The following LITAF variants were observed in gnomAD, a reference collection of about 807,000 sequenced individuals.
LITAF encodes lipopolysaccharide-induced tumor necrosis factor-alpha factor.
Under a neutral mutation model 14.5 loss-of-function variants are expected in LITAF, and 9 were observed. The observed-to-expected ratio is 0.62, with a 90% CI of 0.37 to 1.08. LITAF has a LOEUF of 1.08. LITAF is among the 50% of genes least tolerant of loss of function. LITAF has a pLI of 0.01. For synonymous variants in LITAF, 98 were observed against 88.2 expected (o/e 1.11, Z -0.62); for missense variants, 206 against 213.4 (o/e 0.97, Z 0.22).
chr16:11,574,010 G>T (rs66719965), intron 1 of LITAF, among the ~76,000 whole-genome samples: 76,599 of 120,568 alleles, frequency 0.64, 20,804 homozygotes, highest in African/African-American at 0.75. Context: ...CGTTTTTTTG[G>T]TTTTTTTTTT....
chr16:11,588,477 A>G (rs1333822731), upstream of LITAF, among the ~76,000 whole-genome samples: 1 of 151,870 alleles, frequency 6.6e-6, no homozygotes, highest in African/African-American at 2.4e-5. Flanking sequence ...CACTGTAGCA[A>G]GCAAGCAACA....
chr16:11,613,691 T>C (rs1021473901), intron 3 of LITAF, among the ~76,000 whole-genome samples: 2 of 152,104 alleles, frequency 1.3e-5, no homozygotes, highest in Non-Finnish European at 2.9e-5. Context: ...AGGAAAGGTG[T>C]CCTTACAGGG....
At chr16:11,583,599 A>C (rs2064770208) in intron 1 of LITAF, among the ~76,000 whole-genome samples, 1 of 152,314 alleles carries the variant, frequency 6.6e-6, no homozygotes, top group Middle Eastern at 3.4e-3. Flanking sequence ...TTTCTTCTTT[A>C]TCTTCCACAC....
chr16:11,564,916 G>A (rs2064427271), intron 1 of LITAF, among the ~76,000 whole-genome samples: 1 of 151,970 alleles, frequency 6.6e-6, no homozygotes, highest in African/African-American at 2.4e-5. Flanking sequence ...ATGGGTATGG[G>A]GTTCTTTTGG....
chr16:11,580,348 C>T (rs2064713128), intron 1 of LITAF, among the ~76,000 whole-genome samples: 1 of 151,956 alleles, frequency 6.6e-6, no homozygotes, highest in South Asian at 2.1e-4. Context: ...ACCTCTGCCT[C>T]CCAGGTTCAA....
At chr16:11,601,035 C>T (rs1209964651), upstream of LITAF, among the ~76,000 whole-genome samples, 1 of 152,030 alleles carries the variant, frequency 6.6e-6, no homozygotes. Flanking sequence ...AAAAATCCCG[C>T]ATCACCGGCA....
upstream of LITAF, chr16:11,598,630 G>A (rs2064908082): frequency 6.6e-6 from 1 of 152,102 alleles, no homozygotes; most frequent in Admixed American, 6.6e-5. Context: ...TTTAGGAAAT[G>A]GTGAAAGCGG....
chr16:11,556,533 C>T lies in LITAF; in HGVS notation c.198G>A (p.Ala66=), dbSNP rs146888937. ...MNPPSYYTQP[A]PIPNNNPITV... ...TACTTGGATTGTTATTGGGGATGGGCGCTGGCTGGGTATAATACGAAGGAG... is the reference window on the plus strand; with the variant it reads ...TACTTGGATTGTTATTGGGGATGGGTGCTGGCTGGGTATAATACGAAGGAG... Residue 66 remains alanine (A), a synonymous_variant, in exon 2 of 4, where the codon GCG becomes GCA. Transcript: ENST00000622633. 17 of 1,614,026 alleles carry T rather than the reference C, an allele frequency of 1.1e-5. No individual in the cohort carries two copies. The highest frequency in any genetic ancestry group is 6.7e-5 in the East Asian group (3 of 44,892).
At chr16:11,629,178 AGAT>A (rs1456967526) in intron 3 of LITAF, 1 of 152,334 alleles carries the variant, frequency 6.6e-6, no homozygotes, top group African/African-American at 2.4e-5. Context: ...AACAGGCATC[AGAT>A]GAGGAAGGCT....
At chr16:11,573,186 T>C (rs917428412) in intron 1 of LITAF, among the ~76,000 whole-genome samples, 1 of 152,058 alleles carries the variant, frequency 6.6e-6, no homozygotes, top group Non-Finnish European at 1.5e-5. Context: ...TGCCTCGGCC[T>C]CCCAAAGGCC....
chr16:11,587,070 G>C (rs573198502), upstream of LITAF: 1 of 169,142 alleles, frequency 5.9e-6, no homozygotes, highest in African/African-American at 2.4e-5. Flanking sequence ...GACCACCGCC[G>C]GTTCCCCGCC....
chr16:11,579,317 G>A (rs555991439), intron 1 of LITAF, among the ~76,000 whole-genome samples: 1 of 151,660 alleles, frequency 6.6e-6, no homozygotes, highest in East Asian at 1.9e-4. Flanking sequence ...CGGGCGCGGT[G>A]GCGGGCGCCT....
At chr16:11,621,646 C>A (rs916341605) in intron 3 of LITAF, among the ~76,000 whole-genome samples, 1 of 152,186 alleles carries the variant, frequency 6.6e-6, no homozygotes, top group African/African-American at 2.4e-5. Context: ...CCTCAGGAAG[C>A]ACAACCCACG....
chr16:11,580,849 C>T (rs1037604544), intron 1 of LITAF, among the ~76,000 whole-genome samples: 1 of 152,182 alleles, frequency 6.6e-6, no homozygotes. Context: ...ACTGCAGCCT[C>T]GACCTCCCAG....
upstream of LITAF, among the ~76,000 whole-genome samples, chr16:11,637,619 C>T (rs1038630231): frequency 9.2e-5 from 14 of 152,310 alleles, no homozygotes; most frequent in East Asian, 7.7e-4. Flanking sequence ...ATAGGCTGCA[C>T]GCAGCGGCTC....
At chr16:11,581,399 T>C (rs1237743722) in intron 1 of LITAF, among the ~76,000 whole-genome samples, 1 of 152,138 alleles carries the variant, frequency 6.6e-6, no homozygotes, top group East Asian at 1.9e-4. Flanking sequence ...GTAATGGCAA[T>C]ACTTTGAGAG....
Position 11,586,564 on chromosome 16 carries a change from A to C in LITAF, c.-6+322T>G, listed in dbSNP as rs1435954262. ...GGGGCCGTCCTCTCCGGGGAGGGGG[A>C]CGCGGCGGGCCGCGAAGGGCGCTCG... On this transcript the variant is annotated intron_variant, in intron 1 of 3. Coordinates refer to ENST00000622633, the MANE Select transcript of LITAF (RefSeq NM_001136472.2). The surrounding 1 kb of genome is among the most constrained non-coding windows in gnomAD (Gnocchi z 6.5). Among the ~76,000 whole-genome samples the C allele has an allele frequency of 6.6e-6, 1 of 151,380 alleles. No individual in the cohort carries two copies. Among genetic ancestry groups the C allele is most frequent in the African/African-American group, 2.4e-5 (1 of 41,168 alleles).
At chr16:11,578,283 C>T (rs554128479) in intron 1 of LITAF, among the ~76,000 whole-genome samples, 2 of 152,160 alleles carry the variant, frequency 1.3e-5, no homozygotes, top group Non-Finnish European at 2.9e-5. Context: ...AGTCGCCAGG[C>T]GTGGTGGCTC....
At chr16:11,638,462 G>A (rs922877229), upstream of LITAF, among the ~76,000 whole-genome samples, 19 of 151,844 alleles carry the variant, frequency 1.3e-4, no homozygotes, top group Admixed American at 9.9e-4. Flanking sequence ...CAGTACTTTG[G>A]GAGGCCGAGG....
Sources: allele counts gnomAD v4.1 joint callset (sites outside exome capture counted in the v4.1 genomes callset), GRCh38; gene constraint gnomAD v4.1.1; non-coding constraint Gnocchi (gnomAD v3.1); transcripts MANE v1.5; gene names NCBI Gene and HGNC (gene_info 2026-07-23, HGNC 2026-07-21).